ZNF679: variants seen among roughly 807,000 people sequenced by gnomAD.
The protein encoded by ZNF679 is zinc finger protein 679, also known as hypothetical protein MGC42415.
ZNF679 carries 10 observed loss-of-function variants against 13.4 expected under a neutral mutation model. The observed-to-expected ratio is 0.75, with a 90% CI of 0.46 to 1.27. The LOEUF is 1.27. Among genes scored for constraint, ZNF679 ranks in the 50% most tolerant of loss-of-function variants. The pLI is 0.00. For synonymous variants in ZNF679, 179 were observed against 162.5 expected (o/e 1.10, Z -0.77); for missense variants, 525 against 477.8 (o/e 1.10, Z -0.92).
At chr7:64,236,922 G>GAAGAGAGA (rs1485108872) in intron 1 of ZNF679, among the ~76,000 whole-genome samples, 3 of 85,338 alleles carry the variant, frequency 3.5e-5, no homozygotes, top group Non-Finnish European at 4.4e-5. Context: ...AAGAAAGAAA[G>GAAGAGAGA]AAGAAAGAAA....
At chr7:64,237,287 T>C (rs1213740801) in intron 1 of ZNF679, among the ~76,000 whole-genome samples, 1 of 152,160 alleles carries the variant, frequency 6.6e-6, no homozygotes, top group Non-Finnish European at 1.5e-5. Context: ...TTCAGCACAA[T>C]TTCTGAAGGT....
intron 1 of ZNF679, among the ~76,000 whole-genome samples, chr7:64,236,975 A>AAGAAAGAAAGAAAGAGAAAG (rs201487010): frequency 1.5e-3 from 24 of 16,278 alleles, no homozygotes; most frequent in Admixed American, 4.8e-3. Context: ...GAAAGAAAGA[A>AAGAAAGAAAGAAAGAGAAAG]AAAGAAAGAA....
intron 2 of ZNF679, among the ~76,000 whole-genome samples, chr7:64,249,877 T>A (rs1348359918): frequency 6.6e-6 from 1 of 152,208 alleles, no homozygotes; most frequent in Non-Finnish European, 1.5e-5. Flanking sequence ...AGTCTTGCTC[T>A]GTTGTCCTTA....
In ZNF679 at chr7:64,238,875, G is replaced by A. The variant is rs138608183; in HGVS notation, c.-90-10153G>A. 3.6e-3 allele frequency among the ~76,000 whole-genome samples: 551 copies of A among 152,202 alleles called. 3 individuals carry two copies. The highest frequency in any genetic ancestry group is 0.01 in the Middle Eastern group (3 of 294). On this transcript the variant is annotated intron_variant, in intron 1 of 4. Coordinates refer to ENST00000421025, the MANE Select transcript of ZNF679 (RefSeq NM_153363.3). ...CAGTTGACATGGTGACATATACTTT[G>A]ACCCAGCTTACAGGCATTACACGTA...
At chr7:64,247,331 T>C (rs1235529047) in intron 1 of ZNF679, among the ~76,000 whole-genome samples, 4 of 152,202 alleles carry the variant, frequency 2.6e-5, no homozygotes, top group Admixed American at 2.6e-4. Context: ...CTATTCCAGA[T>C]GCAGTTGCTC....
intron 4 of ZNF679, among the ~76,000 whole-genome samples, chr7:64,265,370 C>T (rs1463648260): frequency 1.3e-5 from 2 of 152,082 alleles, no homozygotes; most frequent in Non-Finnish European, 2.9e-5. Context: ...AGCTACTTTC[C>T]ACACCTATTT....
chr7:64,253,908 T>C (rs1345551099), intron 2 of ZNF679, among the ~76,000 whole-genome samples: 1 of 152,100 alleles, frequency 6.6e-6, no homozygotes, highest in Non-Finnish European at 1.5e-5. Context: ...GTAAGCAAAG[T>C]TGATTAAGAA....
chr7:64,242,514 G>A (rs1378614920), intron 1 of ZNF679, among the ~76,000 whole-genome samples: 1 of 152,080 alleles, frequency 6.6e-6, no homozygotes, highest in African/African-American at 2.4e-5. Flanking sequence ...CTATAATCTG[G>A]TTACAAAAAT....
At chr7:64,263,438 A>G (rs1267234150) in intron 4 of ZNF679, among the ~76,000 whole-genome samples, 11 of 152,162 alleles carry the variant, frequency 7.2e-5, no homozygotes, top group Admixed American at 7.2e-4. Context: ...AGAACATACC[A>G]GGTGCAAATA....
intron 1 of ZNF679, among the ~76,000 whole-genome samples, chr7:64,243,779 C>T (rs1261469966): frequency 6.6e-6 from 1 of 152,136 alleles, no homozygotes; most frequent in Admixed American, 6.6e-5. Flanking sequence ...TGAAGGTATA[C>T]GTCACAATCA....
intron 2 of ZNF679, among the ~76,000 whole-genome samples, chr7:64,259,665 CG>C (rs1788048985): frequency 6.6e-6 from 1 of 152,106 alleles, no homozygotes; most frequent in South Asian, 2.1e-4. Flanking sequence ...CGGGGGCTCA[CG>C]CTAGTAATCC....
chr7:64,245,426 AGAGAGAGAGAGAGAGAGG>A lies in ZNF679; in HGVS notation c.-90-3571_-90-3554del, dbSNP rs1254479641. Among the ~76,000 whole-genome samples, 11 of 148,502 alleles carry A rather than the reference AGAGAGAGAGAGAGAGAGG, an allele frequency of 7.4e-5. No homozygotes were observed. The East Asian group carries it at 1.0e-3, about 14-fold the overall frequency. On this transcript the variant is annotated intron_variant, in intron 1 of 4. Coordinates refer to ENST00000421025, the MANE Select transcript of ZNF679 (RefSeq NM_153363.3). ...ATAGGAAAGGGAGAGAGAGAAAGAG[AGAGAGAGAGAGAGAGAGG>A]GAGAGAGAGAGAGAGAGGGAGAGAG...
chr7:64,264,937 G>T (rs565368912), intron 4 of ZNF679, among the ~76,000 whole-genome samples: 6 of 151,176 alleles, frequency 4.0e-5, no homozygotes, highest in African/African-American at 1.5e-4. Context: ...TTCCATGATT[G>T]TTTTGTTTTT....
chr7:64,233,320 G>A (rs1454699348), intron 1 of ZNF679, among the ~76,000 whole-genome samples: 4 of 151,500 alleles, frequency 2.6e-5, no homozygotes, highest in Admixed American at 6.6e-5. Flanking sequence ...GGGAGACCTC[G>A]TCGTTAAGAA....
In ZNF679 at chr7:64,260,449, C is replaced by A. The variant is rs1213649933; in HGVS notation, c.166+102C>A. 40 of 1,498,026 alleles carry A rather than the reference C, an allele frequency of 2.7e-5. No homozygotes were observed. In the African/African-American group the frequency reaches 5.7e-4, roughly 21 times the overall value. 92.8% of individuals were successfully genotyped at this position (1,498,026 alleles called of 1,614,324 possible). A position where few individuals can be genotyped will look rare whatever the true frequency, so the allele number is the denominator to read the frequency against. On this transcript the variant is annotated intron_variant, in intron 3 of 4. Transcript: ENST00000421025. ...CTTTGCATGAGTGAATTTTAGCTCT[C>A]TGATTTGAAGAAAATCTTGGGGATT...
rs369462694 is a variant in ZNF679, at chr7:64,259,589, A to T, written c.40-632A>T. On this transcript the variant is annotated intron_variant, in intron 2 of 4. Transcript: ENST00000421025. Reference sequence around the variant, plus strand: ...TACTATTAAAAATTACAGAACAGGGAAGTTATCTGTATCTTCAACTTTGCA... The same window carrying T: ...TACTATTAAAAATTACAGAACAGGGTAGTTATCTGTATCTTCAACTTTGCA... Among the ~76,000 whole-genome samples the T allele has an allele frequency of 4.6e-5, 7 of 152,244 alleles. No homozygotes were observed. The South Asian group carries it at 8.3e-4, about 18-fold the overall frequency.
chr7:64,244,437 G>A (rs542987328), intron 1 of ZNF679, among the ~76,000 whole-genome samples: 3 of 150,796 alleles, frequency 2.0e-5, no homozygotes, highest in East Asian at 4.0e-4. Context: ...GTTTTGTGAC[G>A]GATTCTCTCT....
intron 2 of ZNF679, 57 bp downstream of exon 2, chr7:64,249,213 A>T: frequency 6.2e-7 from 1 of 1,613,926 alleles, no homozygotes; most frequent in Non-Finnish European, 8.5e-7. Flanking sequence ...GAACCGGCTG[A>T]AAGTGGCTGT....
intron 1 of ZNF679, among the ~76,000 whole-genome samples, chr7:64,235,190 A>G (rs1387213068): frequency 6.6e-6 from 1 of 152,170 alleles, no homozygotes; most frequent in Non-Finnish European, 1.5e-5. Flanking sequence ...ATAGCCAAAG[A>G]AAAATTTAAA....
Sources: gnomAD v4.1 joint callset for allele counts (sites outside exome capture counted in the v4.1 genomes callset) on GRCh38, gnomAD v4.1.1 for gene constraint, MANE v1.5 for transcripts, NCBI Gene and HGNC (gene_info 2026-07-23, HGNC 2026-07-21) for gene names.